Variants in GPM6A observed in about 807,000 individuals in gnomAD.
GPM6A encodes the protein neuronal membrane glycoprotein M6-a.
Under a neutral mutation model 32.1 loss-of-function variants are expected in GPM6A, and 7 were observed. That is an observed-to-expected ratio of 0.22 (90% CI 0.12 to 0.41). The LOEUF is 0.41. GPM6A is among the 10% of genes least tolerant of loss of function. The probability of loss-of-function intolerance (pLI) is 1.00; values close to 1 mark genes in which losing one functional copy is unlikely to be tolerated. For synonymous variants in GPM6A, 130 were observed against 123.4 expected (o/e 1.05, Z -0.35); for missense variants, 235 against 347.2 (o/e 0.68, Z 2.57).
chr4:175,925,536 G>A (rs1433663245), intron 1 of GPM6A, among the ~76,000 whole-genome samples: 1 of 152,158 alleles, frequency 6.6e-6, no homozygotes, highest in African/African-American at 2.4e-5. Flanking sequence ...TGCTGAAACT[G>A]AAACGTGATA....
intron 1 of GPM6A, among the ~76,000 whole-genome samples, chr4:175,972,920 T>G (rs1431163017): frequency 6.6e-6 from 1 of 152,220 alleles, no homozygotes; most frequent in African/African-American, 2.4e-5. Context: ...CAGTCAATAG[T>G]GCTGAGCATA....
chr4:175,841,467 T>A (rs981074741), intron 1 of GPM6A, among the ~76,000 whole-genome samples: 1 of 152,136 alleles, frequency 6.6e-6, no homozygotes, highest in Non-Finnish European at 1.5e-5. Flanking sequence ...AAATAAAGAT[T>A]AGTGTTTTTA....
intron 1 of GPM6A, among the ~76,000 whole-genome samples, chr4:175,835,627 G>GTGTA (rs1553994100): frequency 3.0e-4 from 42 of 138,620 alleles, no homozygotes; most frequent in Admixed American, 8.1e-4. Flanking sequence ...GTGAGTGTGT[G>GTGTA]TATATATATA....
At chr4:175,745,077 T>C (rs1197301547) in intron 1 of GPM6A, among the ~76,000 whole-genome samples, 2 of 146,108 alleles carry the variant, frequency 1.4e-5, no homozygotes, top group Non-Finnish European at 3.1e-5. Context: ...GCAGGAGCCA[T>C]AAAGATGAAG....
chr4:175,660,280 A>T (rs1742330168), intron 3 of GPM6A, among the ~76,000 whole-genome samples: 1 of 151,920 alleles, frequency 6.6e-6, no homozygotes, highest in African/African-American at 2.4e-5. Context: ...GCTACTCAGG[A>T]GGCTGAGGCA....
intron 1 of GPM6A, among the ~76,000 whole-genome samples, chr4:175,974,758 C>T (rs754533847): frequency 5.9e-5 from 9 of 152,022 alleles, no homozygotes; most frequent in East Asian, 5.8e-4. Flanking sequence ...TCTCGGCTCA[C>T]GGCAGCCTCA....
chr4:175,771,299 G>A (rs535372684), intron 1 of GPM6A, among the ~76,000 whole-genome samples: 11 of 152,166 alleles, frequency 7.2e-5, no homozygotes, highest in South Asian at 2.1e-4. Context: ...ATGGCCAGGC[G>A]CGGTGGCTGT....
intron 1 of GPM6A, among the ~76,000 whole-genome samples, chr4:175,772,557 T>G (rs1733233702): frequency 6.6e-6 from 1 of 152,164 alleles, no homozygotes; most frequent in Non-Finnish European, 1.5e-5. Flanking sequence ...CCTTCCTTCC[T>G]GTCATTCTGC....
rs539570231 is a variant in GPM6A, at chr4:175,656,455, C to T, written c.388-4468G>A. Among the ~76,000 whole-genome samples, 11 of 152,060 alleles carry T rather than the reference C, an allele frequency of 7.2e-5. 1 individual carries two copies. The highest frequency in any genetic ancestry group is 4.2e-4 in the South Asian group (2 of 4,818). On this transcript the variant is annotated intron_variant, in intron 3 of 6. Transcript: ENST00000393658. ...AGCATTTGATTCAACAAAATTGTTA[C>T]GAATTATTTCTTTATCACTTGAAAT...
chr4:175,945,308 A>G (rs6846161), intron 1 of GPM6A, among the ~76,000 whole-genome samples: 111,133 of 152,066 alleles, frequency 0.73, 40,919 homozygotes, highest in Admixed American at 0.78. Flanking sequence ...ATGAACAAGC[A>G]TCATGTTCTT....
In GPM6A at chr4:175,795,202, G is replaced by T. The variant is rs115430754; in HGVS notation, c.37+16989C>A. Among the ~76,000 whole-genome samples, 519 of 152,306 alleles carry T rather than the reference G, an allele frequency of 3.4e-3. 3 individuals carry two copies. Among genetic ancestry groups the T allele is most frequent in the Non-Finnish European group, 6.3e-3 (428 of 68,028 alleles). On this transcript the variant is annotated intron_variant, in intron 1 of 6. Coordinates refer to ENST00000393658, the MANE Select transcript of GPM6A (RefSeq NM_201591.3). The stretch of plus-strand genomic sequence containing the variant: ...TACATAAATGATGACAGATGTGATG[G>T]AAGTCAAGAACCAAGGATGTAGAGT...
At chr4:175,989,712 T>G (rs1419289687) in intron 1 of GPM6A, among the ~76,000 whole-genome samples, 2 of 152,180 alleles carry the variant, frequency 1.3e-5, no homozygotes, top group African/African-American at 4.8e-5. Context: ...TATGTTAAAT[T>G]ATTTCCTTTA....
chr4:175,809,166 A>G (rs972629204), intron 1 of GPM6A, among the ~76,000 whole-genome samples: 1 of 152,186 alleles, frequency 6.6e-6, no homozygotes, highest in Non-Finnish European at 1.5e-5. Context: ...GATTTGGCAA[A>G]ATGTTCTAGA....
At chr4:175,912,546 T>G (rs1738355513) in intron 1 of GPM6A, among the ~76,000 whole-genome samples, 1 of 152,104 alleles carries the variant, frequency 6.6e-6, no homozygotes, top group Admixed American at 6.5e-5. Context: ...TCCCAGCTAC[T>G]TGGGAGTCTG....
intron 1 of GPM6A, among the ~76,000 whole-genome samples, chr4:175,941,600 T>C (rs757469999): frequency 6.6e-6 from 1 of 152,188 alleles, no homozygotes; most frequent in Non-Finnish European, 1.5e-5. Flanking sequence ...TGTCCATGTG[T>C]TCTCATTGTT....
chr4:175,798,535 G>A (rs999950595), intron 1 of GPM6A: 2 of 152,148 alleles, frequency 1.3e-5, no homozygotes, highest in Non-Finnish European at 2.9e-5. Context: ...AATGAGCAAT[G>A]TGGTAAATTT....
intron 1 of GPM6A, among the ~76,000 whole-genome samples, chr4:175,762,034 T>A (rs1732766235): frequency 6.6e-6 from 1 of 152,182 alleles, no homozygotes; most frequent in South Asian, 2.1e-4. Flanking sequence ...CCTCAGGTAA[T>A]CCAGCCACCT....
At chr4:175,845,398 A>C (rs1736057433) in intron 1 of GPM6A, among the ~76,000 whole-genome samples, 1 of 152,110 alleles carries the variant, frequency 6.6e-6, no homozygotes, top group South Asian at 2.1e-4. Context: ...CGTTTCCCTA[A>C]CAGACATGGA....
chr4:175,970,896 C>A, intron 1 of GPM6A: 1 of 448,898 alleles, frequency 2.2e-6, no homozygotes, highest in Non-Finnish European at 4.4e-6. Flanking sequence ...CACTCGATAC[C>A]GACAGACCCT....
Sources: gnomAD v4.1 joint callset for allele counts (sites outside exome capture counted in the v4.1 genomes callset) on GRCh38, gnomAD v4.1.1 for gene constraint, MANE v1.5 for transcripts, NCBI Gene and HGNC (gene_info 2026-07-23, HGNC 2026-07-21) for gene names.